Variants in LINGO2 observed in about 807,000 individuals in gnomAD.
The protein encoded by LINGO2 is leucine rich repeat and Ig domain containing 2.
A neutral mutation model predicts 30.6 loss-of-function variants in LINGO2; 14 were observed. That is an observed-to-expected ratio of 0.46 (90% CI 0.30 to 0.72). The LOEUF is 0.72. LINGO2 is among the 30% of genes least tolerant of loss of function. LINGO2 has a pLI of 0.07. For missense variants in LINGO2, 729 were observed against 751.7 expected (o/e 0.97, Z 0.35); for synonymous variants, 317 against 288.5 (o/e 1.10, Z -1.00).
intron 4 of LINGO2, among the ~76,000 whole-genome samples, chr9:28,281,494 CAT>C (rs1194693560): frequency 3.9e-5 from 5 of 129,458 alleles, no homozygotes; most frequent in Non-Finnish European, 6.7e-5. Context: ...CACACACACA[CAT>C]ATAAGGGGAT....
the LINGO2 span, among the ~76,000 whole-genome samples, chr9:28,788,481 C>A: frequency 6.6e-6 from 1 of 152,118 alleles, no homozygotes; most frequent in Non-Finnish European, 1.5e-5. Flanking sequence ...GGCATTAAAG[C>A]TTTGGTATTT....
the LINGO2 span, among the ~76,000 whole-genome samples, chr9:28,952,601 C>T: frequency 6.6e-6 from 1 of 152,110 alleles, no homozygotes; most frequent in South Asian, 2.1e-4. Context: ...TCTCCTCTTG[C>T]CCTCTTAGAA....
intron 4 of LINGO2, among the ~76,000 whole-genome samples, chr9:28,028,036 G>A (rs1309976221): frequency 1.3e-5 from 2 of 152,090 alleles, no homozygotes; most frequent in Non-Finnish European, 2.9e-5. Context: ...GTTATTTATT[G>A]AGCAGGTGTC....
At chr9:29,186,809 T>C in the LINGO2 span, among the ~76,000 whole-genome samples, 6 of 152,226 alleles carry the variant, frequency 3.9e-5, no homozygotes, top group African/African-American at 1.4e-4. Flanking sequence ...ATAGGGCTGC[T>C]AACAATGCCT....
chr9:27,987,891 A>C (rs1405054778), intron 5 of LINGO2, among the ~76,000 whole-genome samples: 1 of 152,068 alleles, frequency 6.6e-6, no homozygotes, highest in Non-Finnish European at 1.5e-5. Flanking sequence ...TCTAGGGTAC[A>C]TGTGCACAAT....
At chr9:29,019,532 C>T in the LINGO2 span, among the ~76,000 whole-genome samples, 1 of 152,148 alleles carries the variant, frequency 6.6e-6, no homozygotes, top group South Asian at 2.1e-4. Context: ...TCCACTCCCA[C>T]TAATCATCTT....
chr9:29,033,538 A>G, the LINGO2 span, among the ~76,000 whole-genome samples: 1 of 151,804 alleles, frequency 6.6e-6, no homozygotes, highest in African/African-American at 2.4e-5. Context: ...TGTTGCCAAG[A>G]TTGAGTGAAA....
the LINGO2 span, among the ~76,000 whole-genome samples, chr9:28,931,519 A>G: frequency 6.6e-6 from 1 of 152,312 alleles, no homozygotes; most frequent in South Asian, 2.1e-4. Context: ...ATAAAGGTGT[A>G]TTGCTATAAT....
the LINGO2 span, among the ~76,000 whole-genome samples, chr9:28,739,095 T>C: frequency 6.6e-6 from 1 of 152,034 alleles, no homozygotes; most frequent in Non-Finnish European, 1.5e-5. Context: ...AAGGGATATA[T>C]AATTAAGTGC....
the LINGO2 span, among the ~76,000 whole-genome samples, chr9:29,062,503 G>T: frequency 2.3e-4 from 35 of 152,062 alleles, no homozygotes; most frequent in African/African-American, 6.8e-4. Context: ...ATAAAATTCT[G>T]CTTTAAAAGG....
chr9:28,100,838 G>A (rs1377050), intron 4 of LINGO2, among the ~76,000 whole-genome samples: 29,109 of 152,072 alleles, frequency 0.19, 3,131 homozygotes, highest in Non-Finnish European at 0.22. Flanking sequence ...CTGGGAATGA[G>A]CTTTGCGTAC....
intron 4 of LINGO2, among the ~76,000 whole-genome samples, chr9:28,253,008 TA>T (rs1822258767): frequency 6.6e-6 from 1 of 151,852 alleles, no homozygotes; most frequent in Non-Finnish European, 1.5e-5. Context: ...ATCTAAGTGC[TA>T]AAAGGTAAGC....
chr9:28,805,106 C>T, the LINGO2 span, among the ~76,000 whole-genome samples: 4 of 152,098 alleles, frequency 2.6e-5, no homozygotes, highest in Admixed American at 2.6e-4. Context: ...TCCTTTAGCT[C>T]TCGAGCAAAT....
chr9:28,969,703 G>T, the LINGO2 span, among the ~76,000 whole-genome samples: 1 of 152,078 alleles, frequency 6.6e-6, no homozygotes, highest in Non-Finnish European at 1.5e-5. Flanking sequence ...TTTCCAAGAA[G>T]AACTAGAAGG....
rs186969543 is a variant in LINGO2, at chr9:28,090,144, G to A, written c.-86-77739C>T. On this transcript the variant is annotated intron_variant, in intron 4 of 5. Coordinates refer to ENST00000379992, the Ensembl canonical transcript of LINGO2. ...AATTCTACCAGAGGTACAAGAACAA[G>A]CTGGTACCATTCCTTCTGAAACTAT... Among the ~76,000 whole-genome samples, 15 of 152,230 alleles carry A rather than the reference G, an allele frequency of 9.9e-5. 1 individual carries two copies. In the East Asian group the frequency reaches 2.7e-3, roughly 27 times the overall value.
the LINGO2 span, among the ~76,000 whole-genome samples, chr9:28,847,770 TGTATATATA>T: frequency 2.6e-5 from 1 of 38,134 alleles, no homozygotes; most frequent in Non-Finnish European, 6.2e-5. Flanking sequence ...CACACATATG[TGTATATATA>T]GTATATATAC....
chr9:28,105,172 T>A (rs1826546593), intron 4 of LINGO2, among the ~76,000 whole-genome samples: 1 of 152,172 alleles, frequency 6.6e-6, no homozygotes, highest in African/African-American at 2.4e-5. Context: ...AATACTCCAC[T>A]TCTGTTTTCC....
Position 28,229,136 on chromosome 9 carries a change from AAACAT to A in LINGO2, c.-87+66067_-87+66071del, listed in dbSNP as rs981438036. ...AATTCTTTTCTTTGACTGAACTTCT[AAACAT>A]AACATACATATTTACAAAGAAAAGG... On this transcript the variant is annotated intron_variant, in intron 4 of 5. Coordinates refer to ENST00000379992, the Ensembl canonical transcript of LINGO2. Among the ~76,000 whole-genome samples the A allele has an allele frequency of 1.1e-4, 17 of 151,962 alleles. 1 individual carries two copies. The highest frequency in any genetic ancestry group is 3.4e-4 in the African/African-American group (14 of 41,562).
Position 28,148,125 on chromosome 9 carries a change from G to A in LINGO2, c.-86-135720C>T, listed in dbSNP as rs1353502482. On this transcript the variant is annotated intron_variant, in intron 4 of 5. Transcript: ENST00000379992. This position sits in a 1 kb window ranked among gnomAD's most constrained non-coding sequence, Gnocchi z 5.1. ...GCGGCTCCTGCACCTGTGCCTGCCC[G>A]GGGAATCGTGGGCCGTTTCCCACTC... 27 of 1,062,158 alleles carry A rather than the reference G, an allele frequency of 2.5e-5. No homozygotes were observed. Among genetic ancestry groups the A allele is most frequent in the Admixed American group, 7.5e-5 (2 of 26,764 alleles). 65.8% of individuals were successfully genotyped at this position (1,062,158 alleles called of 1,614,324 possible).
Sources: allele counts gnomAD v4.1 joint callset (sites outside exome capture counted in the v4.1 genomes callset), GRCh38; gene constraint gnomAD v4.1.1; non-coding constraint Gnocchi (gnomAD v3.1); transcripts MANE v1.5; gene names NCBI Gene and HGNC (gene_info 2026-07-23, HGNC 2026-07-21).